Variants in ZNF469 observed in about 807,000 individuals in gnomAD.
ZNF469 encodes zinc finger protein 469.
ZNF469 carries 1 observed loss-of-function variant against 1.0 expected under a neutral mutation model. The observed-to-expected ratio is 1.00, with a 90% CI of 0.35 to 4.73. ZNF469 has a LOEUF of 4.73. Among genes scored for constraint, ZNF469 ranks in the 30% most tolerant of loss-of-function variants. The probability of loss-of-function intolerance (pLI) is 0.16; values close to 1 mark genes in which losing one functional copy is unlikely to be tolerated. For missense variants in ZNF469, 6,100 were observed against 5,356.3 expected (o/e 1.14, Z -4.33); for synonymous variants, 2,703 against 2,363.4 (o/e 1.14, Z -4.17).
chr16:88,412,924 A>G (rs577695068), intron 1 of ZNF469, among the ~76,000 whole-genome samples: 1 of 152,324 alleles, frequency 6.6e-6, no homozygotes, highest in South Asian at 2.1e-4. Context: ...TGGCAGCCAC[A>G]GCCACAGCCG....
At chr16:88,407,629 G>C (rs1328446925) in intron 1 of ZNF469, among the ~76,000 whole-genome samples, 3 of 152,226 alleles carry the variant, frequency 2.0e-5, no homozygotes, top group African/African-American at 7.2e-5. Flanking sequence ...AGAGTCATTT[G>C]CCCAGATGGC....
the ZNF469 span, among the ~76,000 whole-genome samples, chr16:88,152,623 C>G: frequency 6.6e-6 from 1 of 152,120 alleles, no homozygotes; most frequent in Admixed American, 6.5e-5. The surrounding 1 kb of genome is among the most constrained non-coding windows in gnomAD (Gnocchi z 4.2). Flanking sequence ...TTGTAGCTAC[C>G]TCTGTGCTAA....
chr16:88,293,989 C>T, the ZNF469 span, among the ~76,000 whole-genome samples: 1 of 152,234 alleles, frequency 6.6e-6, no homozygotes, highest in African/African-American at 2.4e-5. Flanking sequence ...AGATAAGCAT[C>T]TGTGTGCTCT....
In ZNF469 at chr16:88,428,773, G is replaced by T. The variant is rs772392648; in HGVS notation, c.1303G>T (p.Ala435Ser). The stretch of plus-strand genomic sequence containing the variant: ...GCTGGCCGCCCCAGGGCCCCCACCC[G>T]CCAGGCTGCCCCAGCTGTGGGACCC... ...TELAAPGPPP[A>S]RLPQLWDPTA... Residue 435 changes from alanine to serine, a missense_variant, in exon 3 of 3, where the codon GCC becomes TCC. Ala to Ser is a moderately conservative substitution (Grantham distance 99, BLOSUM62 1). Transcript: ENST00000565624. 3.9e-6 allele frequency: 6 copies of T among 1,545,182 alleles called. No homozygotes were observed. In the African/African-American group the frequency reaches 6.9e-5, roughly 18 times the overall value.
At chr16:88,270,437 A>G in the ZNF469 span, among the ~76,000 whole-genome samples, 1 of 152,154 alleles carries the variant, frequency 6.6e-6, no homozygotes, top group Non-Finnish European at 1.5e-5. Context: ...CCTGGAGGGT[A>G]TGGAAAATGG....
In ZNF469 at chr16:88,383,008, G is replaced by C. The variant is rs931819951; in HGVS notation, c.-438G>C. ...TCCGGCCTTCCCAGCACCCGGCCCAGGGCTGGAGCTGGCTGCAGGGCTGGC... is the reference window on the plus strand; with the variant it reads ...TCCGGCCTTCCCAGCACCCGGCCCACGGCTGGAGCTGGCTGCAGGGCTGGC... On this transcript the variant is annotated 5_prime_UTR_variant, in exon 1 of 3. Transcript: ENST00000565624. 1.8e-4 allele frequency among the ~76,000 whole-genome samples: 27 copies of C among 151,888 alleles called. No homozygotes were observed. Among genetic ancestry groups the C allele is most frequent in the Non-Finnish European group, 3.5e-4 (24 of 67,942 alleles).
the ZNF469 span, among the ~76,000 whole-genome samples, chr16:88,198,735 T>C: frequency 2.0e-5 from 3 of 152,176 alleles, no homozygotes; most frequent in Admixed American, 1.3e-4. Context: ...ACCTGGGCTT[T>C]GTTTCGTGGT....
At chr16:88,281,546 C>T in the ZNF469 span, among the ~76,000 whole-genome samples, 2 of 149,308 alleles carry the variant, frequency 1.3e-5, no homozygotes, top group East Asian at 2.0e-4. Context: ...GATGTTGGCT[C>T]ACAGGTTAGT....
the ZNF469 span, among the ~76,000 whole-genome samples, chr16:88,122,702 T>C: frequency 6.6e-6 from 1 of 152,238 alleles, no homozygotes; most frequent in South Asian, 2.1e-4. Context: ...TTTGTACACA[T>C]ATTTGTATGC....
chr16:88,193,939 C>A, the ZNF469 span, among the ~76,000 whole-genome samples: 1 of 152,174 alleles, frequency 6.6e-6, no homozygotes, highest in Non-Finnish European at 1.5e-5. Context: ...TGCTTCTTAA[C>A]CTCGTCACCT....
the ZNF469 span, among the ~76,000 whole-genome samples, chr16:88,254,158 G>A: frequency 1.3e-5 from 2 of 152,122 alleles, no homozygotes; most frequent in African/African-American, 4.8e-5. Flanking sequence ...CTATGTTTAG[G>A]CAACAATGCA....
intron 1 of ZNF469, among the ~76,000 whole-genome samples, chr16:88,400,653 A>C (rs1222564281): frequency 6.6e-6 from 1 of 152,180 alleles, no homozygotes; most frequent in Middle Eastern, 3.4e-3. Context: ...CTCTGTCCCC[A>C]CAGTCATGGG....
At chr16:88,279,661 G>C in the ZNF469 span, among the ~76,000 whole-genome samples, 1 of 136,456 alleles carries the variant, frequency 7.3e-6, no homozygotes, top group South Asian at 2.6e-4. Context: ...GTAGATATCA[G>C]TGCACAGTTA....
At chr16:88,329,488 G>A in the ZNF469 span, among the ~76,000 whole-genome samples, 1 of 152,196 alleles carries the variant, frequency 6.6e-6, no homozygotes, top group Non-Finnish European at 1.5e-5. Flanking sequence ...CTGGCCCTCT[G>A]AGGGCCTGAG....
the ZNF469 span, among the ~76,000 whole-genome samples, chr16:88,109,820 AG>A: frequency 1.3e-5 from 2 of 151,270 alleles, no homozygotes; most frequent in African/African-American, 4.9e-5. Context: ...CGGGATCAGG[AG>A]GTGCTGAGCG....
At chr16:88,114,942 C>T in the ZNF469 span, among the ~76,000 whole-genome samples, 67 of 126,974 alleles carry the variant, frequency 5.3e-4, no homozygotes, top group Middle Eastern at 0.013. Context: ...AAATTTCAGC[C>T]GCCTTTCTCT....
chr16:88,416,993 T>G (rs1905319209), intron 1 of ZNF469, among the ~76,000 whole-genome samples: 1 of 152,196 alleles, frequency 6.6e-6, no homozygotes, highest in African/African-American at 2.4e-5. Context: ...CCGTGGAGTC[T>G]CCGTGGTACT....
the ZNF469 span, among the ~76,000 whole-genome samples, chr16:88,127,235 C>T: frequency 2.0e-5 from 3 of 152,078 alleles, no homozygotes; most frequent in African/African-American, 7.2e-5. Context: ...TTGTCCGCGT[C>T]ACAGGCCTCA....
At chr16:88,367,080 C>T in the ZNF469 span, among the ~76,000 whole-genome samples, 2 of 152,324 alleles carry the variant, frequency 1.3e-5, no homozygotes, top group East Asian at 1.9e-4. Context: ...GGGCAAGATC[C>T]ATGTCTTCCC....
Sources: allele counts gnomAD v4.1 joint callset (sites outside exome capture counted in the v4.1 genomes callset), GRCh38; gene constraint gnomAD v4.1.1; non-coding constraint Gnocchi (gnomAD v3.1); transcripts MANE v1.5; gene names NCBI Gene and HGNC (gene_info 2026-07-23, HGNC 2026-07-21).